LY75: variants seen among roughly 807,000 people sequenced by gnomAD.
LY75 encodes C-type lectin domain family 13 member B.
In LY75, 185 loss-of-function variants were observed where a neutral mutation model predicts 231.7. The observed-to-expected ratio is 0.80, with a 90% CI of 0.71 to 0.90. The LOEUF is 0.90. Among genes scored for constraint, LY75 ranks in the 40% least tolerant of loss-of-function variants. LY75 has a pLI of 0.00. For synonymous variants in LY75, 668 were observed against 689.0 expected (o/e 0.97, Z 0.48); for missense variants, 1,947 against 2,050.2 (o/e 0.95, Z 0.97).
In LY75 at chr2:159,881,112, T is replaced by C. The variant is rs772620181; in HGVS notation, c.1375A>G (p.Thr459Ala). Residue 459 changes from threonine to alanine, a missense_variant, in exon 8 of 35, where the codon ACG becomes GCG. Coordinates refer to ENST00000263636, the MANE Select transcript of LY75 (RefSeq NM_002349.4). ...ENEPNVPYNK[T>A]PNCVSYLGEL... ...CCTAAGTAGGAAACACAGTTGGGCG[T>C]CTTATTGTAGGGAACATTTGGCTCA... is the stretch of plus-strand genomic sequence containing the variant. The C allele has an allele frequency of 6.8e-6, 11 of 1,613,688 alleles. No individual in the cohort carries two copies. The Admixed American group carries it at 1.8e-4, about 27-fold the overall frequency.
At chr2:159,818,074 T>A (rs1278057286) in intron 29 of LY75, among the ~76,000 whole-genome samples, 1 of 151,642 alleles carries the variant, frequency 6.6e-6, no homozygotes, top group African/African-American at 2.4e-5. Context: ...ATAAATAAAA[T>A]AATAAAATAA....
intron 11 of LY75, among the ~76,000 whole-genome samples, chr2:159,877,922 T>C (rs574902770): frequency 2.0e-5 from 3 of 152,278 alleles, no homozygotes; most frequent in Non-Finnish European, 4.4e-5. Context: ...GCCTCCATAA[T>C]TCTTACCCAT....
At chr2:159,824,144 C>T (rs990151705) in intron 28 of LY75, among the ~76,000 whole-genome samples, 2 of 152,188 alleles carry the variant, frequency 1.3e-5, no homozygotes, top group African/African-American at 4.8e-5. Context: ...AATTAAAACA[C>T]ACGACTGGCA....
chr2:159,892,685 C>T (rs548199660), intron 3 of LY75, among the ~76,000 whole-genome samples: 1 of 152,154 alleles, frequency 6.6e-6, no homozygotes, highest in African/African-American at 2.4e-5. Context: ...ACCGTGATCC[C>T]CTGTAACTCT....
At chr2:159,834,341 C>T (rs760761612) in intron 26 of LY75, 130 bp from the exon 27 acceptor site, 49 of 1,198,288 alleles carry the variant, frequency 4.1e-5, no homozygotes, top group Non-Finnish European at 5.2e-5. Flanking sequence ...AAGCCTGTCT[C>T]TGTTTATACT....
At chr2:159,845,529 T>C (rs1684174508) in intron 23 of LY75, among the ~76,000 whole-genome samples, 1 of 151,432 alleles carries the variant, frequency 6.6e-6, no homozygotes, top group Admixed American at 6.6e-5. Context: ...CAACTGCAGA[T>C]GGAAAATATT....
intron 25 of LY75, among the ~76,000 whole-genome samples, chr2:159,839,548 G>C (rs905837251): frequency 6.6e-6 from 1 of 152,124 alleles, no homozygotes; most frequent in African/African-American, 2.4e-5. Context: ...TTTCAGAGTT[G>C]CTTAATTTTA....
chr2:159,903,843 C>T (rs369865720), intron 1 of LY75, among the ~76,000 whole-genome samples: 29 of 152,280 alleles, frequency 1.9e-4, no homozygotes, highest in African/African-American at 6.7e-4. Context: ...GCTGGCACTA[C>T]CCTGAACATC....
At chr2:159,854,865 A>G (rs1684503922) in intron 17 of LY75, 39 bp downstream of exon 17, 2 of 1,611,238 alleles carry the variant, frequency 1.2e-6, no homozygotes, top group East Asian at 4.5e-5. Flanking sequence ...GTGACAAGGT[A>G]AAAGCAGCTT....
chr2:159,890,155 G>T, intron 4 of LY75, 58 bp downstream of exon 4: 1 of 1,565,786 alleles, frequency 6.4e-7, no homozygotes. Flanking sequence ...GAAAACAGAA[G>T]AAGAAGTACC....
intron 13 of LY75, among the ~76,000 whole-genome samples, chr2:159,871,500 T>G (rs1685011279): frequency 6.6e-6 from 1 of 152,168 alleles, no homozygotes; most frequent in Non-Finnish European, 1.5e-5. Flanking sequence ...TTAAGGATTT[T>G]TATTAGAATT....
chr2:159,845,441 A>G (rs750967455), intron 23 of LY75, among the ~76,000 whole-genome samples: 58 of 151,964 alleles, frequency 3.8e-4, no homozygotes, highest in Admixed American at 8.5e-4. Flanking sequence ...TCTCATATAT[A>G]TAATATGTGT....
At chr2:159,818,476 C>T (rs1683189275) in intron 29 of LY75, among the ~76,000 whole-genome samples, 1 of 152,116 alleles carries the variant, frequency 6.6e-6, no homozygotes, top group African/African-American at 2.4e-5. Context: ...TCAAAACTGT[C>T]AAGGCCAGCA....
chr2:159,805,087 C>G lies in LY75; in HGVS notation c.5126G>C (p.Gly1709Ala). Residue 1709 changes from glycine to alanine, a missense_variant, in exon 35 of 35, where the codon GGA becomes GCA. Gly to Ala is a moderately conservative substitution (Grantham distance 60). Transcript: ENST00000263636. ...AAGCATAATCTCATCTTCATTCACT[C>G]CTTGTGCATATCGAACTGATGAGAA... The part of the protein sequence containing the change: ...AGFSSVRYAQ[G>A]VNEDEIMLPS... The G allele has an allele frequency of 6.2e-7, 1 of 1,614,134 alleles. No individual in the cohort carries two copies.
chr2:159,884,219 T>C (rs1560100415), intron 6 of LY75, among the ~76,000 whole-genome samples: 1 of 152,194 alleles, frequency 6.6e-6, no homozygotes, highest in Non-Finnish European at 1.5e-5. Flanking sequence ...CCACGTGAGA[T>C]TGTAAGGTCC....
chr2:159,900,912 A>C (rs1042598722), intron 1 of LY75, among the ~76,000 whole-genome samples: 36 of 151,822 alleles, frequency 2.4e-4, no homozygotes, highest in African/African-American at 8.0e-4. Flanking sequence ...AATCTCAGCT[A>C]ACTGCAACCT....
chr2:159,888,499 G>C (rs1054978188), intron 4 of LY75, among the ~76,000 whole-genome samples: 1 of 152,124 alleles, frequency 6.6e-6, no homozygotes, highest in Non-Finnish European at 1.5e-5. Flanking sequence ...TCCTTATCTA[G>C]TGATAAAACA....
intron 16 of LY75, among the ~76,000 whole-genome samples, chr2:159,858,144 C>T (rs1348844267): frequency 6.6e-6 from 1 of 152,168 alleles, no homozygotes; most frequent in Non-Finnish European, 1.5e-5. Context: ...TATGCAAATT[C>T]TTCCATGATC....
At chr2:159,854,213 C>T (rs1684481983) in intron 18 of LY75, 147 bp downstream of exon 18, 1 of 484,524 alleles carries the variant, frequency 2.1e-6, no homozygotes. Context: ...ATTTTTCTAA[C>T]ATGAAACAAA....
Sources: allele counts gnomAD v4.1 joint callset (sites outside exome capture counted in the v4.1 genomes callset), GRCh38; gene constraint gnomAD v4.1.1; transcripts MANE v1.5; gene names NCBI Gene and HGNC (gene_info 2026-07-23, HGNC 2026-07-21).